MACROD2: variants seen among roughly 807,000 people sequenced by gnomAD.
The protein encoded by MACROD2 is mono-ADP ribosylhydrolase 2.
Under a neutral mutation model 70.4 loss-of-function variants are expected in MACROD2, and 36 were observed. The ratio of observed to expected loss-of-function variants is 0.51; its 90% CI spans 0.39 to 0.68. The LOEUF (loss-of-function observed/expected upper bound fraction) is 0.68. Among genes scored for constraint, MACROD2 ranks in the 30% least tolerant of loss-of-function variants. The pLI, the probability that MACROD2 is intolerant of heterozygous loss-of-function variation, is 0.00. For synonymous variants in MACROD2, 172 were observed against 178.8 expected (o/e 0.96, Z 0.30); for missense variants, 496 against 538.4 (o/e 0.92, Z 0.78).
At chr20:15,898,570 A>AAAG (rs397963173) in intron 10 of MACROD2, among the ~76,000 whole-genome samples, 1 of 150,936 alleles carries the variant, frequency 6.6e-6, no homozygotes, top group Non-Finnish European at 1.5e-5. Context: ...AAAAAAAAAA[A>AAAG]CAAATTCTAG....
rs555694340 is a variant in MACROD2 at position 14,774,477 on chromosome 20, T to G, written c.418+89518T>G. Among the ~76,000 whole-genome samples the G allele has an allele frequency of 1.3e-3, 198 of 152,156 alleles. 1 individual carries two copies. Among genetic ancestry groups the G allele is most frequent in the African/African-American group, 4.7e-3 (193 of 41,494 alleles). On this transcript the variant is annotated intron_variant, in intron 5 of 17. Transcript: ENST00000684519. Reference sequence around the variant, plus strand: ...CACCAGTGAGTAAGGGAACAGAGTCTTCTTGAATTCTGATGTGAATTAGCT... The same window carrying G: ...CACCAGTGAGTAAGGGAACAGAGTCGTCTTGAATTCTGATGTGAATTAGCT...
chr20:14,226,995 C>T (rs1221221864), intron 3 of MACROD2, among the ~76,000 whole-genome samples: 2 of 152,226 alleles, frequency 1.3e-5, no homozygotes, highest in East Asian at 1.9e-4. Flanking sequence ...CGTGGAGAAC[C>T]TTTATGTCTA....
chr20:14,788,117 G>A (rs1445658028), intron 5 of MACROD2, among the ~76,000 whole-genome samples: 2 of 152,080 alleles, frequency 1.3e-5, no homozygotes, highest in African/African-American at 2.4e-5. Flanking sequence ...GTGGAAAGAT[G>A]TTCCAGTGCA....
At position 15,143,091 on chromosome 20, in the gene MACROD2, TC is replaced by T. The variant is rs1196952542; in HGVS notation, c.419-86848del. Among the ~76,000 whole-genome samples, 10 of 152,292 alleles carry T rather than the reference TC, an allele frequency of 6.6e-5. No individual in the cohort carries two copies. In the South Asian group the frequency reaches 2.1e-3, roughly 32 times the overall value. On this transcript the variant is annotated intron_variant, in intron 5 of 17. Transcript: ENST00000684519. ...AGATCCCTGTGAGGAATCTACACTG[TC>T]TTCCACAATGGTTGAACTGGTTTAC... is the stretch of plus-strand genomic sequence containing the variant.
At chr20:14,251,954 T>C (rs975921730) in intron 3 of MACROD2, among the ~76,000 whole-genome samples, 1 of 152,098 alleles carries the variant, frequency 6.6e-6, no homozygotes, top group African/African-American at 2.4e-5. Flanking sequence ...AATTTAAATC[T>C]ACAGTACTCA....
At chr20:16,009,646 A>G (rs2066835278) in intron 15 of MACROD2, among the ~76,000 whole-genome samples, 1 of 152,042 alleles carries the variant, frequency 6.6e-6, no homozygotes, top group African/African-American at 2.4e-5. Context: ...AATCCCAGCT[A>G]CTCGAGAGGC....
At chr20:15,862,897 A>T in intron 9 of MACROD2, 71 bp downstream of exon 9, 1 of 1,132,400 alleles carries the variant, frequency 8.8e-7, no homozygotes, top group South Asian at 1.4e-5. Flanking sequence ...TTCTATTCCT[A>T]TTGTTTTTCA....
At chr20:14,915,620 G>A (rs1431809064) in intron 5 of MACROD2, among the ~76,000 whole-genome samples, 1 of 152,162 alleles carries the variant, frequency 6.6e-6, no homozygotes, top group Admixed American at 6.5e-5. Context: ...GGCTGTGCCC[G>A]ACTGTGTGAG....
At chr20:15,412,603 T>G (rs2046093486) in intron 6 of MACROD2, among the ~76,000 whole-genome samples, 1 of 152,232 alleles carries the variant, frequency 6.6e-6, no homozygotes, top group Admixed American at 6.5e-5. Flanking sequence ...ACGTGAAAAC[T>G]GACAGTTCTC....
intron 3 of MACROD2, among the ~76,000 whole-genome samples, chr20:14,167,950 A>G (rs2081186225): frequency 6.6e-6 from 1 of 152,146 alleles, no homozygotes; most frequent in Non-Finnish European, 1.5e-5. Flanking sequence ...AAAAAAATTA[A>G]CTCATCAGTC....
chr20:14,351,260 A>AT (rs932077496), intron 3 of MACROD2, among the ~76,000 whole-genome samples: 3 of 150,616 alleles, frequency 2.0e-5, no homozygotes, highest in African/African-American at 4.9e-5. Flanking sequence ...GTTCCACATA[A>AT]TTTTTTTTAA....
intron 5 of MACROD2, among the ~76,000 whole-genome samples, chr20:15,168,441 ATG>A (rs56188346): frequency 0.16 from 22,127 of 134,362 alleles, 1,755 homozygotes; most frequent in South Asian, 0.21. Flanking sequence ...ACATTGTGGG[ATG>A]TGTGTGTGTG....
intron 3 of MACROD2, among the ~76,000 whole-genome samples, chr20:14,214,833 T>A (rs930741671): frequency 3.3e-5 from 5 of 151,966 alleles, no homozygotes; most frequent in African/African-American, 1.2e-4. Context: ...AGCTCCCACA[T>A]ATCAGTGAGA....
chr20:15,762,456 T>C (rs1393615790), intron 8 of MACROD2, among the ~76,000 whole-genome samples: 2 of 152,148 alleles, frequency 1.3e-5, no homozygotes, highest in African/African-American at 4.8e-5. Context: ...CCATTCTACC[T>C]AAACCTCCCT....
intron 8 of MACROD2, among the ~76,000 whole-genome samples, chr20:15,675,288 G>A (rs2146845301): frequency 6.6e-6 from 1 of 152,206 alleles, no homozygotes; most frequent in Non-Finnish European, 1.5e-5. Flanking sequence ...TACAAGTTCT[G>A]TCTAGCTTAG....
chr20:14,549,363 T>A (rs1418507067), intron 4 of MACROD2, among the ~76,000 whole-genome samples: 1 of 152,218 alleles, frequency 6.6e-6, no homozygotes, highest in Non-Finnish European at 1.5e-5. Flanking sequence ...GACCTAAGAA[T>A]AAATACTGTA....
chr20:15,002,591 G>T, intron 5 of MACROD2, among the ~76,000 whole-genome samples: 1 of 152,020 alleles, frequency 6.6e-6, no homozygotes, highest in East Asian at 1.9e-4. Flanking sequence ...TTAAACACAG[G>T]GTGGGGAAAA....
At position 15,560,762 on chromosome 20, in the gene MACROD2, C is replaced by CAAAAAAAAAAAAAAAAAAAAAAAA. The variant is rs71190190; in HGVS notation, c.645+60921_645+60944dup. Among the ~76,000 whole-genome samples, 8 of 22,084 alleles carry CAAAAAAAAAAAAAAAAAAAAAAAA rather than the reference C, an allele frequency of 3.6e-4. 1 individual carries two copies. The highest frequency in any genetic ancestry group is 7.7e-4 in the Non-Finnish European group (8 of 10,438). The allele number at this position is 22,084 out of a possible 152,430, so 14.5% of individuals were successfully genotyped here. On this transcript the variant is annotated intron_variant, in intron 8 of 17. Coordinates refer to ENST00000684519, the MANE Select transcript of MACROD2 (RefSeq NM_001351661.2). ...TGGGCCACAGGGCATAACAAAGTCTCAAAAAAAAAAAAAAAAAAAAAAAAA... is the reference window on the plus strand; with the variant it reads ...TGGGCCACAGGGCATAACAAAGTCTCAAAAAAAAAAAAAAAAAAAAAAAAAAAAAAAAAAAAAAAAAAAAAAAAA...
chr20:15,446,358 G>A (rs895456550), intron 7 of MACROD2, among the ~76,000 whole-genome samples: 48 of 152,170 alleles, frequency 3.2e-4, no homozygotes, highest in African/African-American at 1.1e-3. Flanking sequence ...GGGTACCAAG[G>A]CATAGGCAGC....
Sources: gnomAD v4.1 joint callset for allele counts (sites outside exome capture counted in the v4.1 genomes callset) on GRCh38, gnomAD v4.1.1 for gene constraint, MANE v1.5 for transcripts, NCBI Gene and HGNC (gene_info 2026-07-23, HGNC 2026-07-21) for gene names.